LRCH3: variants seen among roughly 807,000 people sequenced by gnomAD.
LRCH3 encodes the protein leucine rich repeats and calponin homology domain containing 3, also known as DISP complex protein LRCH3.
LRCH3 carries 68 observed loss-of-function variants against 104.5 expected under a neutral mutation model. That is an observed-to-expected ratio of 0.65 (90% confidence interval 0.54 to 0.80). The LOEUF (loss-of-function observed/expected upper bound fraction) is 0.80, where lower values mean the gene tolerates loss of function less well. LRCH3 is among the 30% of genes least tolerant of loss of function. The pLI, the probability that LRCH3 is intolerant of heterozygous loss-of-function variation, is 0.00. For synonymous variants in LRCH3, 344 were observed against 361.3 expected (o/e 0.95, Z 0.54); for missense variants, 951 against 953.9 (o/e 1.00, Z 0.04).
intron 9 of LRCH3, 79 bp from the exon 10 acceptor site, chr3:197,839,242 A>T: frequency 1.1e-6 from 1 of 882,070 alleles, no homozygotes; most frequent in Non-Finnish European, 1.7e-6. Flanking sequence ...AAATTAAATG[A>T]CAAATTGGAT....
intron 2 of LRCH3, among the ~76,000 whole-genome samples, 199 bp downstream of exon 2, chr3:197,815,251 C>G (rs1399987070): frequency 6.6e-6 from 1 of 152,102 alleles, no homozygotes; most frequent in African/African-American, 2.4e-5. Flanking sequence ...TACAGATGCT[C>G]CCTGACTTAC....
chr3:197,857,466 C>T (rs992098262), intron 14 of LRCH3, among the ~76,000 whole-genome samples: 3 of 147,164 alleles, frequency 2.0e-5, no homozygotes, highest in African/African-American at 5.0e-5. Flanking sequence ...ACATTGTCTT[C>T]GTTCTGCCCC....
chr3:197,880,849 A>C, intron 20 of LRCH3: 1 of 1,457,094 alleles, frequency 6.9e-7, no homozygotes, highest in Non-Finnish European at 9.0e-7. Context: ...AAGGAGGTAA[A>C]TCCTTTCTTT....
At chr3:197,813,163 ATG>A in intron 1 of LRCH3, among the ~76,000 whole-genome samples, 1 of 152,208 alleles carries the variant, frequency 6.6e-6, no homozygotes, top group Non-Finnish European at 1.5e-5. Flanking sequence ...GAGCCATACA[ATG>A]TGTAATAATC....
chr3:197,824,213 C>CG (rs1734835847), intron 4 of LRCH3, among the ~76,000 whole-genome samples: 1 of 151,914 alleles, frequency 6.6e-6, no homozygotes, highest in African/African-American at 2.4e-5. Flanking sequence ...TACAGGCGCC[C>CG]GCCACCATGC....
rs1740989755 is a variant in LRCH3 at position 197,862,399 on chromosome 3, C to T, written c.1717-3024C>T. On this transcript the variant is annotated intron_variant, in intron 15 of 20. Transcript: ENST00000425562. ...GCCTGTTAACTTTCTCCTTTTATTC[C>T]TTAATACTTTTAAATTTCTAGTCTA... 2.6e-5 allele frequency among the ~76,000 whole-genome samples: 4 copies of T among 151,314 alleles called. No homozygotes were observed. The South Asian group carries it at 8.3e-4, about 32-fold the overall frequency.
chr3:197,820,871 TGA>T (rs1734420478), intron 4 of LRCH3, among the ~76,000 whole-genome samples: 1 of 152,044 alleles, frequency 6.6e-6, no homozygotes, highest in African/African-American at 2.4e-5. Context: ...TGTGTGTGTG[TGA>T]GAGAGTATGT....
chr3:197,880,729 G>A (rs755919240), intron 20 of LRCH3: 8 of 1,536,552 alleles, frequency 5.2e-6, no homozygotes, highest in African/African-American at 1.4e-5. Flanking sequence ...ATTGCACTCC[G>A]GTGACTTTCT....
At chr3:197,855,941 GA>G (rs1188127033) in intron 14 of LRCH3, among the ~76,000 whole-genome samples, 1 of 152,206 alleles carries the variant, frequency 6.6e-6, no homozygotes, top group Non-Finnish European at 1.5e-5. Flanking sequence ...CTGTGCTTCA[GA>G]AGGCTCCCGT....
chr3:197,858,028 A>C (rs1169063383), intron 14 of LRCH3, among the ~76,000 whole-genome samples: 2 of 152,190 alleles, frequency 1.3e-5, no homozygotes, highest in African/African-American at 4.8e-5. Flanking sequence ...ACTTATAAAG[A>C]CTTCACTATT....
chr3:197,860,971 CT>C (rs5855654), intron 15 of LRCH3, among the ~76,000 whole-genome samples: 220 of 137,362 alleles, frequency 1.6e-3, no homozygotes, highest in Middle Eastern at 3.8e-3. Context: ...CTGACCCCAA[CT>C]TTTTTTTTTT....
Position 197,837,150 on chromosome 3 carries a change from A to G in LRCH3, c.1251+1328A>G, listed in dbSNP as rs1406669641. 2.6e-5 allele frequency among the ~76,000 whole-genome samples: 4 copies of G among 152,168 alleles called. No individual in the cohort carries two copies. The East Asian group carries it at 5.8e-4, about 22-fold the overall frequency. Reference sequence around the variant, plus strand: ...GGCAGTGTACTAGGTGACTGATGAAACTACTTGTTGAGGCTGCTGGAGCAA... The same window carrying G: ...GGCAGTGTACTAGGTGACTGATGAAGCTACTTGTTGAGGCTGCTGGAGCAA... On this transcript the variant is annotated intron_variant, in intron 9 of 20. Coordinates refer to ENST00000425562, the MANE Select transcript of LRCH3 (RefSeq NM_001365715.1).
At chr3:197,866,529 T>C (rs997047222) in intron 17 of LRCH3, among the ~76,000 whole-genome samples, 1 of 152,240 alleles carries the variant, frequency 6.6e-6, no homozygotes, top group Non-Finnish European at 1.5e-5. Flanking sequence ...TTTCTATTGA[T>C]AAAAGCTGTT....
At chr3:197,848,334 G>A (rs946720690) in intron 12 of LRCH3, 4 of 213,700 alleles carry the variant, frequency 1.9e-5, no homozygotes, top group African/African-American at 4.7e-5. Context: ...TAAAAGGCCC[G>A]TGCAGATGCA....
chr3:197,821,049 C>T lies in LRCH3; in HGVS notation c.640+619C>T, dbSNP rs180940605. On this transcript the variant is annotated intron_variant, in intron 4 of 20. Coordinates refer to ENST00000425562, the MANE Select transcript of LRCH3 (RefSeq NM_001365715.1). Reference sequence around the variant, plus strand: ...GTAATTAATAACTCAGGGTAGGGTCCCTGGAAATTTCAGTAAGCATGACTG... The same window carrying T: ...GTAATTAATAACTCAGGGTAGGGTCTCTGGAAATTTCAGTAAGCATGACTG... Among the ~76,000 whole-genome samples the T allele has an allele frequency of 5.3e-5, 8 of 152,118 alleles. No homozygotes were observed. The East Asian group carries it at 1.4e-3, about 26-fold the overall frequency.
Position 197,883,664 on chromosome 3 carries a change from T to A in LRCH3, c.2332T>A (p.Ter778ArgextTer27). 6.5e-7 allele frequency: 1 copy of A among 1,535,862 alleles called. No homozygotes were observed. Among genetic ancestry groups the A allele is most frequent in the Non-Finnish European group, 8.7e-7 (1 of 1,146,812 alleles). ...ACAGCAGCACCAGTTATCTGCTGTT[T>A]GAGGATCCCCAGGACGGTGGGCACT... is the stretch of plus-strand genomic sequence containing the variant. ...KQQQHQLSAV[*>R] Residue 778 changes from the stop codon to arginine (R), a stop_lost, in exon 21 of 21, where the codon TGA becomes AGA. Transcript: ENST00000425562. This position sits in a 1 kb window ranked among gnomAD's most constrained non-coding sequence, Gnocchi z 4.2.
At chr3:197,809,792 T>G (rs539493892) in intron 1 of LRCH3, among the ~76,000 whole-genome samples, 1 of 152,220 alleles carries the variant, frequency 6.6e-6, no homozygotes, top group East Asian at 1.9e-4. Context: ...TGTTGAGGCT[T>G]TCTGGTTTTC....
At chr3:197,841,846 G>GTTTTGTTTT (rs1553921573) in intron 10 of LRCH3, among the ~76,000 whole-genome samples, 2 of 147,060 alleles carry the variant, frequency 1.4e-5, no homozygotes, top group African/African-American at 2.6e-5. Context: ...GTTTTGTTTT[G>GTTTTGTTTT]TTTTGTGACA....
At chr3:197,877,779 T>A (rs1005314288) in intron 20 of LRCH3, among the ~76,000 whole-genome samples, 5 of 152,198 alleles carry the variant, frequency 3.3e-5, no homozygotes, top group South Asian at 2.1e-4. Flanking sequence ...GTTTTTTTTT[T>A]AACTGAATTA....
Sources: gnomAD v4.1 joint callset for allele counts (sites outside exome capture counted in the v4.1 genomes callset) on GRCh38, gnomAD v4.1.1 for gene constraint, Gnocchi (gnomAD v3.1) non-coding constraint, MANE v1.5 for transcripts, NCBI Gene and HGNC (gene_info 2026-07-23, HGNC 2026-07-21) for gene names.